Variants in PTPRZ1 observed in about 807,000 individuals in gnomAD.
PTPRZ1 encodes the protein protein tyrosine phosphatase receptor type Z1.
In PTPRZ1, 82 loss-of-function variants were observed where a neutral mutation model predicts 214.1. The ratio of observed to expected loss-of-function variants is 0.38; its 90% CI spans 0.32 to 0.46. The LOEUF (loss-of-function observed/expected upper bound fraction) is 0.46. Among genes scored for constraint, PTPRZ1 ranks in the 20% least tolerant of loss-of-function variants. The probability of loss-of-function intolerance (pLI) is 1.00; values close to 1 mark genes in which losing one functional copy is unlikely to be tolerated. For synonymous variants in PTPRZ1, 945 were observed against 987.9 expected (o/e 0.96, Z 0.81); for missense variants, 2,603 against 2,748.7 (o/e 0.95, Z 1.19).
intron 27 of PTPRZ1, among the ~76,000 whole-genome samples, chr7:122,056,199 A>G (rs1021126971): frequency 6.6e-5 from 10 of 151,824 alleles, no homozygotes; most frequent in African/African-American, 2.4e-4. Flanking sequence ...GCCTATTACA[A>G]GAGTAATAAT....
intron 2 of PTPRZ1, among the ~76,000 whole-genome samples, chr7:121,937,136 C>A (rs1039017722): frequency 6.6e-6 from 1 of 152,120 alleles, no homozygotes; most frequent in Non-Finnish European, 1.5e-5. Flanking sequence ...AACAGCTGCA[C>A]GTATTCATTC....
intron 15 of PTPRZ1, among the ~76,000 whole-genome samples, chr7:122,033,262 G>T (rs1799435388): frequency 6.6e-6 from 1 of 151,912 alleles, no homozygotes; most frequent in Non-Finnish European, 1.5e-5. Flanking sequence ...GCTTTTAATT[G>T]TTCAGAATGA....
At chr7:121,983,856 C>G in intron 7 of PTPRZ1, 34 bp downstream of exon 7, 1 of 1,599,982 alleles carries the variant, frequency 6.3e-7, no homozygotes, top group Non-Finnish European at 8.5e-7. Flanking sequence ...TCAAGTAATT[C>G]AAAGCCATTT....
chr7:121,963,104 C>T (rs1796930710), intron 2 of PTPRZ1, among the ~76,000 whole-genome samples: 1 of 152,036 alleles, frequency 6.6e-6, no homozygotes, highest in African/African-American at 2.4e-5. Context: ...CATGTTGAGC[C>T]CACAAGGTAC....
intron 15 of PTPRZ1, 131 bp from the exon 16 acceptor site, chr7:122,033,964 A>T: frequency 1.3e-6 from 1 of 753,466 alleles, no homozygotes; most frequent in Non-Finnish European, 2.2e-6. Flanking sequence ...TTGTGTTAGT[A>T]TTTGACAAAT....
intron 10 of PTPRZ1, among the ~76,000 whole-genome samples, chr7:122,000,646 CATATATATATAT>C (rs60953788): frequency 0.035 from 1,806 of 51,386 alleles, 55 homozygotes; most frequent in Middle Eastern, 0.062. Context: ...TGATAGATTT[CATATATATATAT>C]ATATATATAT....
chr7:122,058,986 G>C (rs774187622), intron 28 of PTPRZ1, 44 bp downstream of exon 28: 3 of 1,501,188 alleles, frequency 2.0e-6, no homozygotes, highest in Non-Finnish European at 2.7e-6. Flanking sequence ...CACATTTTCT[G>C]GGCATATGTA....
At chr7:122,057,582 C>G (rs1005376050) in intron 27 of PTPRZ1, among the ~76,000 whole-genome samples, 1 of 148,814 alleles carries the variant, frequency 6.7e-6, no homozygotes, top group Non-Finnish European at 1.5e-5. Context: ...CCTTTGTCAG[C>G]TGCATATATT....
At position 121,952,588 on chromosome 7, in the gene PTPRZ1, A is replaced by T. The variant is rs1384502347; in HGVS notation, c.125-15363A>T. Among the ~76,000 whole-genome samples, 4 of 152,026 alleles carry T rather than the reference A, an allele frequency of 2.6e-5. No individual in the cohort carries two copies. In the East Asian group the frequency reaches 5.8e-4, roughly 22 times the overall value. ...GTGACAGAATGAGCACTGTCTCAAAAAAAAGAAAAGAAAAGAAAAGAAAAG... is the reference window on the plus strand; with the variant it reads ...GTGACAGAATGAGCACTGTCTCAAATAAAAGAAAAGAAAAGAAAAGAAAAG... On this transcript the variant is annotated intron_variant, in intron 2 of 29. Transcript: ENST00000393386.
At chr7:121,975,304 C>A (rs1797393949) in intron 4 of PTPRZ1, among the ~76,000 whole-genome samples, 1 of 152,180 alleles carries the variant, frequency 6.6e-6, no homozygotes, top group Non-Finnish European at 1.5e-5. Flanking sequence ...AATCATATTT[C>A]TTTCGATTTC....
intron 3 of PTPRZ1, among the ~76,000 whole-genome samples, chr7:121,969,998 G>A (rs894119309): frequency 8.4e-5 from 11 of 130,996 alleles, no homozygotes; most frequent in Admixed American, 3.8e-4. Flanking sequence ...TCCCCTTCCT[G>A]TGTCCAAGTG....
chr7:122,010,379 C>T lies in PTPRZ1; in HGVS notation c.1333C>T (p.Pro445Ser). 1 of 1,613,152 alleles carries T rather than the reference C, an allele frequency of 6.2e-7. No individual in the cohort carries two copies. Among genetic ancestry groups the T allele is most frequent in the Non-Finnish European group, 8.5e-7 (1 of 1,179,676 alleles). ...KDIEEGAIVNPGRDSATNQIR... is the reference protein window; with the variant it reads ...KDIEEGAIVNSGRDSATNQIR... ...CATTGAAGAAGGCGCTATTGTGAAT[C>T]CTGGTAGAGACAGTGCTACAAACCA... The change falls in exon 12 of 30, where the codon CCT becomes TCT. Residue 445 changes from proline (P) to serine (S), a missense_variant. This residue lies in a region of PTPRZ1 where 1,913 missense variants were observed against 1,914.3 expected (regional missense o/e 1.00). Transcript: ENST00000393386.
At chr7:121,994,736 C>A (rs1338237587) in intron 8 of PTPRZ1, among the ~76,000 whole-genome samples, 1 of 152,130 alleles carries the variant, frequency 6.6e-6, no homozygotes, top group Admixed American at 6.5e-5. Flanking sequence ...ATTTGAAGGT[C>A]TTCTGCCATC....
chr7:121,926,652 T>TG (rs915861698), intron 1 of PTPRZ1, among the ~76,000 whole-genome samples: 2 of 152,052 alleles, frequency 1.3e-5, no homozygotes, highest in African/African-American at 4.8e-5. Flanking sequence ...GGGATGGGCG[T>TG]GGGTGTGGGG....
At chr7:121,977,885 TA>T (rs1375520726) in intron 6 of PTPRZ1, among the ~76,000 whole-genome samples, 2 of 152,004 alleles carry the variant, frequency 1.3e-5, no homozygotes, top group African/African-American at 4.8e-5. Context: ...TTCCTATACT[TA>T]AAAAAATGTG....
In PTPRZ1 at chr7:122,044,422, G is replaced by C; in HGVS notation, c.5938G>C (p.Glu1980Gln). Residue 1980 changes from glutamate to glutamine, a missense_variant and splice_region_variant, in exon 23 of 30, where the codon GAG becomes CAG. Glu to Gln is a conservative substitution (Grantham distance 29, BLOSUM62 2). Transcript: ENST00000393386. ...TTGCTTATTGTCATTGTTTTGCCAGGAGCAATATGTCTTCATTCATGATAC... is the reference window on the plus strand; with the variant it reads ...TTGCTTATTGTCATTGTTTTGCCAGCAGCAATATGTCTTCATTCATGATAC... Reference protein sequence around the residue: ...SQRNYLVQTEEQYVFIHDTLV... With the variant: ...SQRNYLVQTEQQYVFIHDTLV... 1 of 1,613,542 alleles carries C rather than the reference G, an allele frequency of 6.2e-7. No individual in the cohort carries two copies. Among genetic ancestry groups the C allele is most frequent in the Non-Finnish European group, 8.5e-7 (1 of 1,179,656 alleles).
intron 2 of PTPRZ1, among the ~76,000 whole-genome samples, chr7:121,934,559 C>T (rs60082418): frequency 0.019 from 2,924 of 150,478 alleles, 91 homozygotes; most frequent in African/African-American, 0.068. Flanking sequence ...CTTAATAATG[C>T]CCAACTTAAT....
intron 1 of PTPRZ1, among the ~76,000 whole-genome samples, chr7:121,913,964 T>C (rs190807060): frequency 1.3e-5 from 2 of 152,344 alleles, no homozygotes; most frequent in Admixed American, 1.3e-4. Context: ...TCTGTATTCA[T>C]TTTTTAATTG....
chr7:122,025,330 CTTT>C (rs766588678), intron 13 of PTPRZ1, among the ~76,000 whole-genome samples: 5 of 132,842 alleles, frequency 3.8e-5, no homozygotes, highest in Admixed American at 7.6e-5. Flanking sequence ...CTTTTTTTTT[CTTT>C]TTTTTTTTTT....
Sources: gnomAD v4.1 joint callset for allele counts (sites outside exome capture counted in the v4.1 genomes callset) on GRCh38, gnomAD v4.1.1 for gene constraint, gnomAD v4.1.1 regional missense constraint, MANE v1.5 for transcripts, NCBI Gene and HGNC (gene_info 2026-07-23, HGNC 2026-07-21) for gene names.